The following BRIP1 variants were observed in gnomAD, a reference collection of about 807,000 sequenced individuals.
The protein encoded by BRIP1 is BRCA1 interacting DNA helicase 1.
BRIP1 carries 88 observed loss-of-function variants against 119.7 expected under a neutral mutation model. The observed-to-expected ratio is 0.74, with a 90% CI of 0.62 to 0.88. BRIP1 has a LOEUF of 0.88. BRIP1 is among the 40% of genes least tolerant of loss of function. The probability of loss-of-function intolerance (pLI) is 0.00; values close to 1 mark genes in which losing one functional copy is unlikely to be tolerated. For missense variants in BRIP1, 1,259 were observed against 1,455.4 expected, an observed-to-expected ratio of 0.87 and a Z score of 2.20; for synonymous variants, 443 against 496.5, an observed-to-expected ratio of 0.89 and a Z score of 1.43.
chr17:61,747,431 G>A (rs2144727096), intron 14 of BRIP1, among the ~76,000 whole-genome samples: 1 of 150,318 alleles, frequency 6.7e-6, no homozygotes, highest in Admixed American at 6.6e-5. Context: ...AAAAAAAAAA[G>A]AGAAAATCAG....
chr17:61,838,606 C>G (rs2078611681), intron 6 of BRIP1, among the ~76,000 whole-genome samples: 2 of 151,368 alleles, frequency 1.3e-5, no homozygotes, highest in Admixed American at 1.3e-4. Flanking sequence ...ATCATTAAAT[C>G]TAGTCTCCCA....
intron 10 of BRIP1, among the ~76,000 whole-genome samples, chr17:61,790,725 A>G (rs2077803570): frequency 6.6e-6 from 1 of 151,640 alleles, no homozygotes; most frequent in African/African-American, 2.4e-5. Flanking sequence ...CTGTAGCCTC[A>G]ACCTCCTGGG....
chr17:61,737,065 T>C (rs1170679053), intron 16 of BRIP1, among the ~76,000 whole-genome samples: 3 of 151,678 alleles, frequency 2.0e-5, no homozygotes, highest in Non-Finnish European at 2.9e-5. Flanking sequence ...AGGTAAATAC[T>C]AAAAACCAAA....
chr17:61,766,583 C>G (rs1345785892), intron 14 of BRIP1, among the ~76,000 whole-genome samples: 1 of 152,024 alleles, frequency 6.6e-6, no homozygotes, highest in African/African-American at 2.4e-5. Flanking sequence ...AAAATGAGAA[C>G]CAAAACAAAC....
chr17:61,697,004 G>A (rs7222771), intron 17 of BRIP1, among the ~76,000 whole-genome samples: 41,366 of 81,178 alleles, frequency 0.51, 9,472 homozygotes, highest in African/African-American at 0.71. Flanking sequence ...AAAAAAAAAA[G>A]GGGGGGGGAA....
At chr17:61,850,674 G>A (rs531238720) in intron 4 of BRIP1, among the ~76,000 whole-genome samples, 1 of 150,158 alleles carries the variant, frequency 6.7e-6, no homozygotes, top group African/African-American at 2.4e-5. Context: ...TTAAAAATAC[G>A]AAAATTAGCT....
chr17:61,782,950 G>C (rs2077646201), intron 11 of BRIP1, among the ~76,000 whole-genome samples: 1 of 152,200 alleles, frequency 6.6e-6, no homozygotes, highest in African/African-American at 2.4e-5. Flanking sequence ...TAATGAGAAT[G>C]GAAAATAATG....
chr17:61,715,483 T>C (rs1409944576), intron 17 of BRIP1, among the ~76,000 whole-genome samples: 1 of 152,160 alleles, frequency 6.6e-6, no homozygotes, highest in African/African-American at 2.4e-5. Flanking sequence ...GATGATATTT[T>C]AACAGATACA....
At chr17:61,737,054 A>AATTT (rs2076928193) in intron 16 of BRIP1, among the ~76,000 whole-genome samples, 2 of 152,166 alleles carry the variant, frequency 1.3e-5, no homozygotes, top group Admixed American at 1.3e-4. Flanking sequence ...TATAATCCCC[A>AATTT]AGGTAAATAC....
At position 61,761,938 on chromosome 17, in the gene BRIP1, T is replaced by C. The variant is rs374347050; in HGVS notation, c.2097+14463A>G. 6.6e-6 allele frequency among the ~76,000 whole-genome samples: 1 copy of C among 151,992 alleles called. No homozygotes were observed. The highest frequency in any genetic ancestry group is 1.5e-5 in the Non-Finnish European group (1 of 67,938). On this transcript the variant is annotated intron_variant, in intron 14 of 19. Coordinates refer to ENST00000259008, the MANE Select transcript of BRIP1 (RefSeq NM_032043.3). The surrounding 1 kb of genome is among the most constrained non-coding windows in gnomAD (Gnocchi z 6.4). ...AATTTCATATAGAGCCACAAGAAGC[T>C]TTGAATAGCCATGGCAGTCATGAGT... is the stretch of plus-strand genomic sequence containing the variant.
In BRIP1 at chr17:61,753,817, T is replaced by A. The variant is rs2077166027; in HGVS notation, c.2098-9226A>T. Among the ~76,000 whole-genome samples, 1 of 152,108 alleles carries A rather than the reference T, an allele frequency of 6.6e-6. No homozygotes were observed. The highest frequency in any genetic ancestry group is 1.9e-4 in the East Asian group (1 of 5,188). On this transcript the variant is annotated intron_variant, in intron 14 of 19. Coordinates refer to ENST00000259008, the MANE Select transcript of BRIP1 (RefSeq NM_032043.3). The surrounding 1 kb of genome is among the most constrained non-coding windows in gnomAD (Gnocchi z 4.6). Reference sequence around the variant, plus strand: ...AACAAAAAACCAGAGAGGGTCTTGCTGTGTTGCCAAGGCTGGTCTCAAACT... The same window carrying A: ...AACAAAAAACCAGAGAGGGTCTTGCAGTGTTGCCAAGGCTGGTCTCAAACT...
intron 17 of BRIP1, among the ~76,000 whole-genome samples, chr17:61,707,517 T>C (rs1378054880): frequency 2.0e-5 from 3 of 152,188 alleles, no homozygotes; most frequent in Non-Finnish European, 2.9e-5. Context: ...CTGAGCCTTC[T>C]ATGTATCAGA....
intron 10 of BRIP1, among the ~76,000 whole-genome samples, chr17:61,786,892 T>C (rs2145171118): frequency 8.9e-6 from 1 of 112,830 alleles, no homozygotes; most frequent in Admixed American, 1.2e-4. Flanking sequence ...TATATAAATA[T>C]ATTTTATATA....
rs2077543217 is a variant in BRIP1, at chr17:61,776,880, TG to T, written c.1936-319del. On this transcript the variant is annotated intron_variant, in intron 13 of 19. Coordinates refer to ENST00000259008, the MANE Select transcript of BRIP1 (RefSeq NM_032043.3). The surrounding 1 kb of genome is among the most constrained non-coding windows in gnomAD (Gnocchi z 5.0). ...TTTGTTAGGTGAATAAATGAACAAGTGAAATGATGAATATATACCAATAGCA... is the reference window on the plus strand; with the variant it reads ...TTTGTTAGGTGAATAAATGAACAAGTAAATGATGAATATATACCAATAGCA... Among the ~76,000 whole-genome samples, 1 of 152,198 alleles carries T rather than the reference TG, an allele frequency of 6.6e-6. No individual in the cohort carries two copies. The highest frequency in any genetic ancestry group is 2.1e-4 in the South Asian group (1 of 4,832).
rs753491927 is a variant in BRIP1 at position 61,809,304 on chromosome 17, G to A, written c.628-547C>T. ...GAAAATTCTTCTTTAGCAAAGGTACGAAAATAAATGCAAAATATTAATATT... is the reference window on the plus strand; with the variant it reads ...GAAAATTCTTCTTTAGCAAAGGTACAAAAATAAATGCAAAATATTAATATT... On this transcript the variant is annotated intron_variant, in intron 6 of 19. Coordinates refer to ENST00000259008, the MANE Select transcript of BRIP1 (RefSeq NM_032043.3). The surrounding 1 kb of genome is among the most constrained non-coding windows in gnomAD (Gnocchi z 5.2). Among the ~76,000 whole-genome samples, 10 of 152,060 alleles carry A rather than the reference G, an allele frequency of 6.6e-5. No individual in the cohort carries two copies. Among genetic ancestry groups the A allele is most frequent in the East Asian group, 1.9e-4 (1 of 5,192 alleles).
At position 61,726,949 on chromosome 17, in the gene BRIP1, G is replaced by A. The variant is rs717962; in HGVS notation, c.2380-10886C>T. The stretch of plus-strand genomic sequence containing the variant: ...TTGTTAAAGTCACATATGAGAGCCC[G>A]ATAACTGTGAATAAACTTTTGCTAG... On this transcript the variant is annotated intron_variant, in intron 16 of 19. Coordinates refer to ENST00000259008, the MANE Select transcript of BRIP1 (RefSeq NM_032043.3). This position sits in a 1 kb window ranked among gnomAD's most constrained non-coding sequence, Gnocchi z 6.2. Among the ~76,000 whole-genome samples the A allele has an allele frequency of 0.77, 117,597 of 152,156 alleles. 46,055 individuals are homozygous for A. Among genetic ancestry groups the A allele is most frequent in the African/African-American group, 0.84 (34,819 of 41,514 alleles).
intron 17 of BRIP1, among the ~76,000 whole-genome samples, chr17:61,711,793 G>A (rs765399185): frequency 2.6e-5 from 4 of 151,920 alleles, no homozygotes; most frequent in Non-Finnish European, 5.9e-5. Flanking sequence ...GCTTGAACCT[G>A]GGAGGTAGAG....
At position 61,804,247 on chromosome 17, in the gene BRIP1, T is replaced by A. The variant is rs1312768116; in HGVS notation, c.919-2773A>T. The stretch of plus-strand genomic sequence containing the variant: ...TTGTCATTGGAACTAAGTGGTAGAA[T>A]AATGGGCCACTTTTATTTTAATTAA... On this transcript the variant is annotated intron_variant, in intron 7 of 19. Coordinates refer to ENST00000259008, the MANE Select transcript of BRIP1 (RefSeq NM_032043.3). The surrounding 1 kb of genome is among the most constrained non-coding windows in gnomAD (Gnocchi z 4.5). 2.6e-5 allele frequency among the ~76,000 whole-genome samples: 4 copies of A among 152,156 alleles called. No individual in the cohort carries two copies.
chr17:61,683,901 A>G lies in BRIP1; in HGVS notation c.3145T>C (p.Phe1049Leu), dbSNP rs772507914. The change falls in exon 20 of 20, where the codon TTC (phenylalanine) becomes CTC (leucine). Residue 1049 changes from phenylalanine to leucine, a missense_variant. Transcript: ENST00000259008. The surrounding 1 kb of genome is among the most constrained non-coding windows in gnomAD (Gnocchi z 4.7). ...EKMESKTVLP[F>L]TDKCESSNLT... ...TTTGAGGATTCACATTTATCAGTGA[A>G]GGGCAAAACAGTTTTACTTTCCATC... 1 of 1,614,204 alleles carries G rather than the reference A, an allele frequency of 6.2e-7. No individual in the cohort carries two copies. The highest frequency in any genetic ancestry group is 2.2e-5 in the East Asian group (1 of 44,882).
Sources: allele counts gnomAD v4.1 joint callset (sites outside exome capture counted in the v4.1 genomes callset), GRCh38; gene constraint gnomAD v4.1.1; non-coding constraint Gnocchi (gnomAD v3.1); transcripts MANE v1.5; gene names NCBI Gene and HGNC (gene_info 2026-07-23, HGNC 2026-07-21).